Variants in GALNT11 observed in about 807,000 individuals in gnomAD.
GALNT11 encodes UDP-GalNAc:polypeptide N-acetylgalactosaminyltransferase 11.
Under a neutral mutation model 72.7 loss-of-function variants are expected in GALNT11, and 47 were observed. The observed-to-expected ratio is 0.65, with a 90% CI of 0.51 to 0.82. GALNT11 has a LOEUF of 0.82. Among genes scored for constraint, GALNT11 ranks in the 40% least tolerant of loss-of-function variants. The probability of loss-of-function intolerance (pLI) is 0.00; values close to 1 mark genes in which losing one functional copy is unlikely to be tolerated. For missense variants in GALNT11, 677 were observed against 778.4 expected, an observed-to-expected ratio of 0.87 and a Z score of 1.55; for synonymous variants, 270 against 286.6, an observed-to-expected ratio of 0.94 and a Z score of 0.58.
chr7:152,112,030 G>A (rs1170565555), intron 7 of GALNT11, among the ~76,000 whole-genome samples: 1 of 152,178 alleles, frequency 6.6e-6, no homozygotes. Context: ...CATAGGTGGA[G>A]TCTGTGGCTC....
intron 1 of GALNT11, among the ~76,000 whole-genome samples, chr7:152,039,856 TTC>T (rs1266928535): frequency 6.6e-6 from 1 of 152,200 alleles, no homozygotes; most frequent in Non-Finnish European, 1.5e-5. Context: ...GTTTTTCTGC[TTC>T]TGTCTTTGCA....
Position 152,108,029 on chromosome 7 carries a change from C to A in GALNT11, c.713-9C>A. 1 of 1,600,338 alleles carries A rather than the reference C, an allele frequency of 6.2e-7. No homozygotes were observed. Among genetic ancestry groups the A allele is most frequent in the Non-Finnish European group, 8.6e-7 (1 of 1,169,476 alleles). On this transcript the variant is annotated splice_polypyrimidine_tract_variant and intron_variant, in intron 5 of 11. Coordinates refer to ENST00000430044, the MANE Select transcript of GALNT11 (RefSeq NM_022087.4). ...ACACTCTCCTGAGCCTCTGTTGTTT[C>A]CTCCCCAGGAGAAGTCCTTGTGTTC...
At chr7:152,080,811 A>C (rs982091154) in intron 1 of GALNT11, among the ~76,000 whole-genome samples, 25 of 151,714 alleles carry the variant, frequency 1.6e-4, no homozygotes, top group Non-Finnish European at 3.1e-4. Context: ...AAAAAAAAAA[A>C]CACAAAATAT....
intron 2 of GALNT11, among the ~76,000 whole-genome samples, chr7:152,099,933 AC>A (rs2086711476): frequency 1.4e-5 from 2 of 144,544 alleles, no homozygotes; most frequent in African/African-American, 5.1e-5. Flanking sequence ...CCACTGAGCC[AC>A]CACACCTGGC....
At chr7:152,042,657 G>A (rs2082922924) in intron 1 of GALNT11, among the ~76,000 whole-genome samples, 1 of 152,064 alleles carries the variant, frequency 6.6e-6, no homozygotes, top group African/African-American at 2.4e-5. Context: ...CCCATGCCAG[G>A]GACATACCCC....
At chr7:152,119,233 G>T (rs2089195581) in intron 10 of GALNT11, 1 of 152,428 alleles carries the variant, frequency 6.6e-6, no homozygotes, top group Admixed American at 6.5e-5. Flanking sequence ...CAGAATTTCA[G>T]TTGATTCCAT....
intron 2 of GALNT11, among the ~76,000 whole-genome samples, chr7:152,095,645 A>C (rs1442890418): frequency 6.6e-6 from 1 of 152,200 alleles, no homozygotes; most frequent in African/African-American, 2.4e-5. Flanking sequence ...AATTTTCATA[A>C]ATCTTTTTCA....
At chr7:152,109,173 C>T (rs950711035) in intron 6 of GALNT11, among the ~76,000 whole-genome samples, 4 of 152,246 alleles carry the variant, frequency 2.6e-5, no homozygotes, top group Admixed American at 2.0e-4. Flanking sequence ...ATTGCTCCCA[C>T]ACTCTTAGTC....
At chr7:152,030,132 A>T (rs528361233) in intron 1 of GALNT11, among the ~76,000 whole-genome samples, 1 of 152,320 alleles carries the variant, frequency 6.6e-6, no homozygotes, top group East Asian at 1.9e-4. Flanking sequence ...CAAGACAGAG[A>T]TAAAAGAAAA....
At chr7:152,073,281 A>G (rs2084769836) in intron 1 of GALNT11, among the ~76,000 whole-genome samples, 2 of 152,154 alleles carry the variant, frequency 1.3e-5, no homozygotes, top group Non-Finnish European at 2.9e-5. Flanking sequence ...TGTAACCTTT[A>G]ACAAATCTCT....
At chr7:152,083,626 C>G (rs1285505059) in intron 1 of GALNT11, among the ~76,000 whole-genome samples, 1 of 151,998 alleles carries the variant, frequency 6.6e-6, no homozygotes, top group Non-Finnish European at 1.5e-5. Context: ...GGGCTCACAC[C>G]CCACTAGTTC....
chr7:152,044,576 GA>G (rs2083027525), intron 1 of GALNT11, among the ~76,000 whole-genome samples: 2 of 152,068 alleles, frequency 1.3e-5, no homozygotes, highest in African/African-American at 4.8e-5. Context: ...TTACTTTCTT[GA>G]TTTCGTTTTT....
In GALNT11 at chr7:152,107,846, C is replaced by A. The variant is rs1052846209; in HGVS notation, c.713-192C>A. 6.8e-6 allele frequency: 4 copies of A among 590,214 alleles called. No individual in the cohort carries two copies. In the Admixed American group the frequency reaches 1.2e-4, roughly 18 times the overall value. 36.6% of individuals were successfully genotyped at this position (590,214 alleles called of 1,614,324 possible). On this transcript the variant is annotated intron_variant, in intron 5 of 11. Transcript: ENST00000430044. ...CTCAATCACAGCAGGACACTGCACGCAGCATTACTGGCTGAGGGACGTCCT... is the reference window on the plus strand; with the variant it reads ...CTCAATCACAGCAGGACACTGCACGAAGCATTACTGGCTGAGGGACGTCCT...
rs1396995381 is a variant in GALNT11, at chr7:152,046,634, A to T, written c.-39+20750A>T. On this transcript the variant is annotated intron_variant, in intron 1 of 11. Transcript: ENST00000430044. ...CTACTCCTGCTCTTTTTTGGTTTCC[A>T]TTTGCATGGAATATCTTTTTTCATT... Among the ~76,000 whole-genome samples the T allele has an allele frequency of 2.6e-5, 4 of 151,864 alleles. No individual in the cohort carries two copies. The South Asian group carries it at 8.3e-4, about 32-fold the overall frequency.
At chr7:152,080,392 AT>A (rs1478067026) in intron 1 of GALNT11, among the ~76,000 whole-genome samples, 1 of 152,174 alleles carries the variant, frequency 6.6e-6, no homozygotes, top group East Asian at 1.9e-4. Flanking sequence ...TTTTTACCTC[AT>A]TTATTAAATC....
intron 6 of GALNT11, 23 bp downstream of exon 6, chr7:152,108,310 C>A (rs1162119082): frequency 1.3e-6 from 2 of 1,589,376 alleles, no homozygotes; most frequent in Admixed American, 1.7e-5. Context: ...CTTTGTTTGA[C>A]AAATTCCTAC....
At chr7:152,051,710 A>G (rs541891444) in intron 1 of GALNT11, among the ~76,000 whole-genome samples, 2 of 151,972 alleles carry the variant, frequency 1.3e-5, no homozygotes, top group South Asian at 2.1e-4. Context: ...CAGAAATACT[A>G]TATTTTGAGA....
chr7:152,121,827 C>T lies in GALNT11; in HGVS notation c.*150C>T. ...TCCCGGAGATGCCTGGGTGTGTTAG[C>T]AGAGGTGACACGTGTCTGACAGAGA... On this transcript the variant is annotated 3_prime_UTR_variant, in exon 12 of 12. Transcript: ENST00000430044. 1.1e-6 allele frequency: 1 copy of T among 944,296 alleles called. No homozygotes were observed. The highest frequency in any genetic ancestry group is 1.5e-6 in the Non-Finnish European group (1 of 649,864). The allele number at this position is 944,296 out of a possible 1,614,324, so 58.5% of individuals were successfully genotyped here.
intron 1 of GALNT11, among the ~76,000 whole-genome samples, chr7:152,050,220 C>T (rs576400325): frequency 6.6e-6 from 1 of 152,186 alleles, no homozygotes; most frequent in South Asian, 2.1e-4. Context: ...TGCTGGGTCA[C>T]ACCTGAAGCC....
Sources: gnomAD v4.1 joint callset for allele counts (sites outside exome capture counted in the v4.1 genomes callset) on GRCh38, gnomAD v4.1.1 for gene constraint, MANE v1.5 for transcripts, NCBI Gene and HGNC (gene_info 2026-07-23, HGNC 2026-07-21) for gene names.